IGF2BP2: variants seen among roughly 807,000 people sequenced by gnomAD.
The protein encoded by IGF2BP2 is insulin like growth factor 2 mRNA binding protein 2.
A neutral mutation model predicts 75.8 loss-of-function variants in IGF2BP2; 17 were observed. The observed-to-expected ratio is 0.22, with a 90% CI of 0.15 to 0.34. The LOEUF (loss-of-function observed/expected upper bound fraction) is 0.34. IGF2BP2 is among the 10% of genes least tolerant of loss of function. The probability of loss-of-function intolerance (pLI) is 1.00; values close to 1 mark genes in which losing one functional copy is unlikely to be tolerated. For missense variants in IGF2BP2, 516 were observed against 772.4 expected (o/e 0.67, Z 3.93); for synonymous variants, 288 against 295.6 (o/e 0.97, Z 0.26).
At chr3:185,718,673 AGACTCT>A (rs1258393154) in intron 2 of IGF2BP2, among the ~76,000 whole-genome samples, 1 of 124,740 alleles carries the variant, frequency 8.0e-6, no homozygotes, top group African/African-American at 3.2e-5. Context: ...CAACAGAGCG[AGACTCT>A]GTCTCAAAAA....
chr3:185,666,005 GA>G (rs1717538207), intron 10 of IGF2BP2, among the ~76,000 whole-genome samples: 1 of 17,542 alleles, frequency 5.7e-5, no homozygotes, highest in Non-Finnish European at 1.6e-4. Flanking sequence ...TAGGTACATA[GA>G]TAGATAGATA....
intron 10 of IGF2BP2, among the ~76,000 whole-genome samples, chr3:185,665,760 A>T (rs952616780): frequency 5.9e-5 from 9 of 152,214 alleles, no homozygotes; most frequent in Non-Finnish European, 1.2e-4. Flanking sequence ...TGAGGTCAGG[A>T]GTTCGAGATC....
At chr3:185,749,271 G>A (rs967608988) in intron 2 of IGF2BP2, among the ~76,000 whole-genome samples, 4 of 152,190 alleles carry the variant, frequency 2.6e-5, no homozygotes, top group Non-Finnish European at 5.9e-5. Flanking sequence ...TGTTGTAAAG[G>A]ATAATTGTCT....
chr3:185,734,683 T>C (rs894547745), intron 2 of IGF2BP2, among the ~76,000 whole-genome samples: 1 of 152,232 alleles, frequency 6.6e-6, no homozygotes, highest in African/African-American at 2.4e-5. Flanking sequence ...AAAATAATTT[T>C]AATTTTCCTG....
intron 10 of IGF2BP2, among the ~76,000 whole-genome samples, chr3:185,663,211 G>A (rs529018697): frequency 3.7e-4 from 56 of 152,328 alleles, no homozygotes; most frequent in African/African-American, 1.3e-3. Flanking sequence ...GTCCCAGTTG[G>A]AGAGTCCCAC....
chr3:185,756,695 C>T (rs997058362), intron 2 of IGF2BP2, among the ~76,000 whole-genome samples: 18 of 152,126 alleles, frequency 1.2e-4, no homozygotes, highest in African/African-American at 3.6e-4. Context: ...AGGAGGTGGC[C>T]GGGCGTGGTG....
At chr3:185,714,477 T>C (rs1337784837) in intron 2 of IGF2BP2, among the ~76,000 whole-genome samples, 3 of 152,242 alleles carry the variant, frequency 2.0e-5, no homozygotes, top group Non-Finnish European at 2.9e-5. Flanking sequence ...GGAACAGTTA[T>C]TGGGCTGTGC....
At chr3:185,800,025 AC>A (rs1472885451) in intron 2 of IGF2BP2, among the ~76,000 whole-genome samples, 1 of 152,196 alleles carries the variant, frequency 6.6e-6, no homozygotes, top group Non-Finnish European at 1.5e-5. Flanking sequence ...CTTGGAACCA[AC>A]CCAAATGTCC....
chr3:185,793,796 G>A (rs866828129), intron 2 of IGF2BP2, among the ~76,000 whole-genome samples: 11 of 152,052 alleles, frequency 7.2e-5, no homozygotes, highest in African/African-American at 2.7e-4. Flanking sequence ...GTCAAAGCAG[G>A]TTTGGAACCC....
intron 2 of IGF2BP2, among the ~76,000 whole-genome samples, chr3:185,805,898 G>A (rs556857498): frequency 9.9e-5 from 15 of 151,150 alleles, no homozygotes; most frequent in East Asian, 1.9e-4. Flanking sequence ...AGCCTCCCAA[G>A]TAGCTGGGAT....
At chr3:185,809,231 A>G (rs1739472065) in intron 2 of IGF2BP2, among the ~76,000 whole-genome samples, 1 of 151,904 alleles carries the variant, frequency 6.6e-6, no homozygotes. Context: ...ATGTAATCAC[A>G]CTGAATCTTA....
In IGF2BP2 at chr3:185,820,235, T is replaced by TACACACAC. The variant is rs202064714; in HGVS notation, c.239+2910_239+2917dup. 6.8e-3 allele frequency among the ~76,000 whole-genome samples: 701 copies of TACACACAC among 102,780 alleles called. 7 individuals carry two copies. Among genetic ancestry groups the TACACACAC allele is most frequent in the African/African-American group, 0.022 (595 of 27,158 alleles). The allele number at this position is 102,780 out of a possible 152,430, so 67.4% of individuals were successfully genotyped here. ...GTGTGTGTATGTGTATATATACACA[T>TACACACAC]ACACACACACACACACACACACACA... is the stretch of plus-strand genomic sequence containing the variant. On this transcript the variant is annotated intron_variant, in intron 2 of 15. Transcript: ENST00000382199.
chr3:185,712,671 C>G (rs1724980337), intron 2 of IGF2BP2: 1 of 151,638 alleles, frequency 6.6e-6, no homozygotes, highest in Non-Finnish European at 1.5e-5. Context: ...AGGTAAGGAG[C>G]AGAAAGAAGA....
chr3:185,771,439 C>CA (rs1409378378), intron 2 of IGF2BP2, among the ~76,000 whole-genome samples: 5,641 of 78,098 alleles, frequency 0.072, 170 homozygotes, highest in African/African-American at 0.14. Flanking sequence ...GACTTCGTCT[C>CA]AAAAAAAAAA....
chr3:185,656,544 G>C (rs924099754), intron 12 of IGF2BP2, among the ~76,000 whole-genome samples: 1 of 152,236 alleles, frequency 6.6e-6, no homozygotes, highest in African/African-American at 2.4e-5. Context: ...TCCCATGGTA[G>C]CAAATTATTT....
chr3:185,773,387 C>A (rs909127156), intron 2 of IGF2BP2, among the ~76,000 whole-genome samples: 1 of 152,016 alleles, frequency 6.6e-6, no homozygotes, highest in South Asian at 2.1e-4. Flanking sequence ...ATTTAACAGG[C>A]GGAAGTACTA....
At chr3:185,811,287 G>A (rs1739785541) in intron 2 of IGF2BP2, among the ~76,000 whole-genome samples, 3 of 152,010 alleles carry the variant, frequency 2.0e-5, no homozygotes, top group Admixed American at 1.3e-4. Context: ...AGATCCATAC[G>A]AGTTAATCCT....
intron 2 of IGF2BP2, among the ~76,000 whole-genome samples, chr3:185,710,737 TA>T (rs1007093613): frequency 9.8e-5 from 14 of 142,446 alleles, no homozygotes; most frequent in African/African-American, 1.3e-4. Flanking sequence ...AGTCTCAAAA[TA>T]AAAAAAAAAG....
chr3:185,745,381 CTT>C (rs1291944008), intron 2 of IGF2BP2, among the ~76,000 whole-genome samples: 3 of 152,134 alleles, frequency 2.0e-5, no homozygotes, highest in Non-Finnish European at 2.9e-5. Flanking sequence ...AGAGAATAAA[CTT>C]TTCAAAAGTA....
Sources: gnomAD v4.1 joint callset for allele counts (sites outside exome capture counted in the v4.1 genomes callset) on GRCh38, gnomAD v4.1.1 for gene constraint, MANE v1.5 for transcripts, NCBI Gene and HGNC (gene_info 2026-07-23, HGNC 2026-07-21) for gene names.